COPA: variants seen among roughly 807,000 people sequenced by gnomAD.
The protein encoded by COPA is coatomer subunit alpha.
In COPA, 10 loss-of-function variants were observed where a neutral mutation model predicts 158.7. That is an observed-to-expected ratio of 0.06 (90% confidence interval 0.04 to 0.11). The LOEUF (loss-of-function observed/expected upper bound fraction) is 0.11. Among genes scored for constraint, COPA ranks in the 10% least tolerant of loss-of-function variants. The probability of loss-of-function intolerance (pLI) is 1.00; values close to 1 mark genes in which losing one functional copy is unlikely to be tolerated. For synonymous variants in COPA, 462 were observed against 542.8 expected, an observed-to-expected ratio of 0.85 and a Z score of 2.07; for missense variants, 1,065 against 1,536.7, an observed-to-expected ratio of 0.69 and a Z score of 5.13.
At chr1:160,308,276 T>C (rs1019144856) in intron 13 of COPA, among the ~76,000 whole-genome samples, 14 of 152,322 alleles carry the variant, frequency 9.2e-5, no homozygotes, top group African/African-American at 2.6e-4. Context: ...CTTTGACTTA[T>C]GGATACCAAA....
chr1:160,332,384 T>G (rs1286662692), intron 6 of COPA, 64 bp downstream of exon 6: 1 of 1,092,198 alleles, frequency 9.2e-7, no homozygotes, highest in Non-Finnish European at 1.4e-6. Flanking sequence ...CTCCTCACTA[T>G]TTTAAGCAAT....
chr1:160,319,306 G>T (rs1242224354), intron 8 of COPA, among the ~76,000 whole-genome samples: 2 of 151,870 alleles, frequency 1.3e-5, no homozygotes, highest in African/African-American at 2.4e-5. Flanking sequence ...ACTATATAAT[G>T]ATAAAGGGGT....
At chr1:160,293,500 T>A in intron 25 of COPA, 37 bp from the exon 26 acceptor site, 1 of 1,477,148 alleles carries the variant, frequency 6.8e-7, no homozygotes, top group Non-Finnish European at 9.0e-7. Flanking sequence ...TGAGTAATTT[T>A]TTTTTTTTTT....
chr1:160,291,537 C>T (rs1405115171), intron 30 of COPA, 41 bp from the exon 31 acceptor site: 1 of 1,597,884 alleles, frequency 6.3e-7, no homozygotes, highest in African/African-American at 1.3e-5. Context: ...GTTGATGCTA[C>T]ACCTGGTAGA....
In COPA at chr1:160,323,631, C is replaced by T. The variant is rs74125586; in HGVS notation, c.607-101G>A. On this transcript the variant is annotated intron_variant, in intron 7 of 32. Transcript: ENST00000241704. ...TTGTAAAAAATGTCTCTGATTTATT[C>T]TTCATGTGAACAGATTCAAGAGACT... The T allele has an allele frequency of 3.3e-3, 2,807 of 859,258 alleles. 61 individuals are homozygous for T. The African/African-American group carries it at 0.041, about 13-fold the overall frequency. 53.2% of individuals were successfully genotyped at this position (859,258 alleles called of 1,614,324 possible).
In COPA at chr1:160,325,643, T is replaced by C. The variant is rs1659466138; in HGVS notation, c.506A>G (p.Lys169Arg). Reference protein sequence around the residue: ...VRVWDISGLRKKNLSPGAVES... With the variant: ...VRVWDISGLRRKNLSPGAVES... ...CACCGCACCAGGGGACAGGTTTTTT[T>C]TCCTCAGACCTTTGAAGGGATAAGG... The change falls in exon 7 of 33, where the codon AAA becomes AGA. Residue 169 changes from lysine (K) to arginine (R), a missense_variant. By Grantham distance (26) the Lys-to-Arg change is conservative. Around this residue, in one of 2 missense-constraint regions of COPA, gnomAD observed 980 missense variants for 1,357.8 expected, o/e 0.72. Transcript: ENST00000241704. The C allele has an allele frequency of 1.9e-6, 3 of 1,614,002 alleles. No homozygotes were observed. The highest frequency in any genetic ancestry group is 1.7e-6 in the Non-Finnish European group (2 of 1,179,964).
chr1:160,306,625 A>T, intron 14 of COPA, 132 bp from the exon 15 acceptor site: 1 of 1,086,492 alleles, frequency 9.2e-7, no homozygotes, highest in Non-Finnish European at 1.4e-6. Flanking sequence ...CATGTCAATT[A>T]CCACTGCAGA....
At chr1:160,312,246 C>T (rs1178900860) in intron 10 of COPA, among the ~76,000 whole-genome samples, 1 of 152,182 alleles carries the variant, frequency 6.6e-6, no homozygotes, top group East Asian at 1.9e-4. Context: ...ATCCACACTG[C>T]CCTTTTCTGT....
chr1:160,314,131 G>A lies in COPA; in HGVS notation c.707-6C>T. On this transcript the variant is annotated splice_polypyrimidine_tract_variant and splice_region_variant and intron_variant, in intron 8 of 32. Transcript: ENST00000241704. ...AACCTCCCATGCCTTTGATTCTGAA[G>A]GACAAAAAGAATTAGGTCATCACAA... is the stretch of plus-strand genomic sequence containing the variant. 1.2e-6 allele frequency: 2 copies of A among 1,608,730 alleles called. No individual in the cohort carries two copies. Among genetic ancestry groups the A allele is most frequent in the African/African-American group, 1.3e-5 (1 of 74,580 alleles).
At chr1:160,336,941 C>T (rs921221527) in intron 3 of COPA, among the ~76,000 whole-genome samples, 2 of 152,086 alleles carry the variant, frequency 1.3e-5, no homozygotes, top group Non-Finnish European at 2.9e-5. Flanking sequence ...CAGTGCCTGA[C>T]ATTAGGTAAG....
At chr1:160,292,747 T>A (rs566890862) in intron 27 of COPA, 127 bp from the exon 28 acceptor site, 2 of 699,112 alleles carry the variant, frequency 2.9e-6, no homozygotes, top group African/African-American at 1.8e-5. Flanking sequence ...TTGTAAGACC[T>A]ACCTCATTTA....
At chr1:160,335,416 A>G in intron 3 of COPA, 94 bp from the exon 4 acceptor site, 1 of 940,266 alleles carries the variant, frequency 1.1e-6, no homozygotes, top group Non-Finnish European at 1.5e-6. Context: ...AGAAATATGT[A>G]TATAAATATA....
chr1:160,308,805 G>T, intron 13 of COPA: 1 of 322,412 alleles, frequency 3.1e-6, no homozygotes, highest in Non-Finnish European at 5.7e-6. Flanking sequence ...CTACCAGGGT[G>T]AAAGTCATAT....
At position 160,343,202 on chromosome 1, in the gene COPA, C is replaced by G. The variant is rs1189418821; in HGVS notation, c.-32G>C. Reference sequence around the variant, plus strand: ...GGTCTCCGACTCCGATGTCTTAATCCGAGCCCCGACACACCCTGCTGCCCT... The same window carrying G: ...GGTCTCCGACTCCGATGTCTTAATCGGAGCCCCGACACACCCTGCTGCCCT... On this transcript the variant is annotated 5_prime_UTR_variant, in exon 1 of 33. Coordinates refer to ENST00000241704, the MANE Select transcript of COPA (RefSeq NM_004371.4). 1.2e-6 allele frequency: 2 copies of G among 1,614,066 alleles called. No homozygotes were observed. Among genetic ancestry groups the G allele is most frequent in the Non-Finnish European group, 1.7e-6 (2 of 1,179,932 alleles).
At chr1:160,323,301 A>G (rs559120363) in intron 8 of COPA, 130 bp downstream of exon 8, 25 of 475,208 alleles carry the variant, frequency 5.3e-5, no homozygotes, top group African/African-American at 5.0e-4. Flanking sequence ...AATAATTTCT[A>G]TGCTCCTGGG....
intron 17 of COPA, among the ~76,000 whole-genome samples, chr1:160,300,921 C>G (rs1209050120): frequency 1.3e-5 from 2 of 152,148 alleles, no homozygotes; most frequent in Non-Finnish European, 2.9e-5. Flanking sequence ...GAGTTCAAGA[C>G]CAACCTGAAC....
Position 160,311,861 on chromosome 1 carries a change from G to A in COPA, c.1076+7C>T, listed in dbSNP as rs761055069. The stretch of plus-strand genomic sequence containing the variant: ...GGGTTTGGAGGAAAGAAACAAGTCC[G>A]ATTTACCTCCGCAACTGCATCACAG... On this transcript the variant is annotated splice_region_variant and intron_variant, in intron 11 of 32. Transcript: ENST00000241704. The A allele has an allele frequency of 1.7e-5, 28 of 1,609,392 alleles. No homozygotes were observed. Among genetic ancestry groups the A allele is most frequent in the Admixed American group, 3.3e-5 (2 of 59,950 alleles).
chr1:160,319,363 C>T (rs1659258206), intron 8 of COPA, among the ~76,000 whole-genome samples: 1 of 151,578 alleles, frequency 6.6e-6, no homozygotes, highest in East Asian at 1.9e-4. Flanking sequence ...GTGCACCCAA[C>T]ACCAAAGCTC....
In COPA at chr1:160,304,211, T is replaced by C. The variant is rs556675020; in HGVS notation, c.1667+1222A>G. 3.3e-5 allele frequency among the ~76,000 whole-genome samples: 5 copies of C among 151,276 alleles called. No individual in the cohort carries two copies. The East Asian group carries it at 9.9e-4, about 30-fold the overall frequency. ...TTTTATTTTTAGGAGAGAGGGTTTC[T>C]CCATGTTGCTCAGGCTGGTCTTGAA... On this transcript the variant is annotated intron_variant, in intron 17 of 32. Coordinates refer to ENST00000241704, the MANE Select transcript of COPA (RefSeq NM_004371.4).
Sources: gnomAD v4.1 joint callset for allele counts (sites outside exome capture counted in the v4.1 genomes callset) on GRCh38, gnomAD v4.1.1 for gene constraint, gnomAD v4.1.1 regional missense constraint, MANE v1.5 for transcripts, NCBI Gene and HGNC (gene_info 2026-07-23, HGNC 2026-07-21) for gene names.